Variants in HSD17B3 observed in about 807,000 individuals in gnomAD.
HSD17B3 encodes 17-beta-hydroxysteroid dehydrogenase type 3.
Under a neutral mutation model 41.1 loss-of-function variants are expected in HSD17B3, and 29 were observed. The observed-to-expected ratio is 0.71, with a 90% CI of 0.53 to 0.96. The LOEUF (loss-of-function observed/expected upper bound fraction) is 0.96, where lower values mean the gene tolerates loss of function less well. Among genes scored for constraint, HSD17B3 ranks in the 40% least tolerant of loss-of-function variants. HSD17B3 has a pLI of 0.00. For missense variants in HSD17B3, 323 were observed against 374.6 expected, an observed-to-expected ratio of 0.86 and a Z score of 1.14; for synonymous variants, 126 against 145.6, an observed-to-expected ratio of 0.87 and a Z score of 0.97.
At chr9:96,274,553 T>A (rs778817809) in intron 2 of HSD17B3, among the ~76,000 whole-genome samples, 5 of 151,906 alleles carry the variant, frequency 3.3e-5, no homozygotes, top group Non-Finnish European at 7.4e-5. Context: ...AGGTAGAAAT[T>A]ATAAAAACAA....
At chr9:96,250,464 C>T (rs779615324) in intron 5 of HSD17B3, 31 of 1,062,648 alleles carry the variant, frequency 2.9e-5, no homozygotes, top group African/African-American at 1.3e-4. Context: ...AGACTCGGGG[C>T]TTACACAGGA....
At position 96,245,424 on chromosome 9, in the gene HSD17B3, T is replaced by G. The variant is rs767259718; in HGVS notation, c.527A>C (p.Gln176Pro). 4 of 1,613,306 alleles carry G rather than the reference T, an allele frequency of 2.5e-6. No individual in the cohort carries two copies. The highest frequency in any genetic ancestry group is 2.5e-6 in the Non-Finnish European group (3 of 1,179,218). Residue 176 changes from glutamine (Q) to proline (P), a missense_variant and splice_region_variant, in exon 8 of 11, where the codon CAG becomes CCG. Gln to Pro is a moderately conservative substitution (Grantham distance 76). Coordinates refer to ENST00000375263, the MANE Select transcript of HSD17B3 (RefSeq NM_000197.2). ...AGAAATGTTCAGGATGAGACCTTTC[T>G]GCCTGAAAGGCAAAGAAGCAAAGTT... ...QLILKHMESRQKGLILNISSG... is the reference protein window; with the variant it reads ...QLILKHMESRPKGLILNISSG...
At chr9:96,296,255 AAAG>A (rs150550887) in intron 2 of HSD17B3, among the ~76,000 whole-genome samples, 59,450 of 151,610 alleles carry the variant, frequency 0.39, 12,094 homozygotes, top group African/African-American at 0.49. Flanking sequence ...CCAAAAAGTA[AAAG>A]AAGAAGAAAC....
intron 2 of HSD17B3, among the ~76,000 whole-genome samples, chr9:96,272,403 CTCTATATATATATATA>C (rs1480079165): frequency 1.1e-4 from 3 of 28,146 alleles, no homozygotes; most frequent in African/African-American, 3.9e-4. Context: ...CTCTCTCTCT[CTCTATATATATATATA>C]TATATATATA....
At chr9:96,257,172 A>G (rs774294685) in intron 2 of HSD17B3, among the ~76,000 whole-genome samples, 17 of 152,178 alleles carry the variant, frequency 1.1e-4, no homozygotes, top group Non-Finnish European at 2.1e-4. Flanking sequence ...TCTTTTCTTT[A>G]TAAATTACCC....
At chr9:96,283,529 TATAAA>T in intron 2 of HSD17B3, among the ~76,000 whole-genome samples, 1 of 152,296 alleles carries the variant, frequency 6.6e-6, no homozygotes, top group African/African-American at 2.4e-5. Context: ...CACTGTCAAA[TATAAA>T]ATAGTGTGTG....
intron 2 of HSD17B3, among the ~76,000 whole-genome samples, chr9:96,262,876 A>G (rs1459802277): frequency 6.6e-6 from 1 of 152,126 alleles, no homozygotes; most frequent in Non-Finnish European, 1.5e-5. Context: ...TGGATTTTGA[A>G]GCCCCATCTG....
chr9:96,241,086 G>A (rs1836423517), intron 9 of HSD17B3, among the ~76,000 whole-genome samples, 179 bp from the exon 10 acceptor site: 1 of 152,096 alleles, frequency 6.6e-6, no homozygotes, highest in Non-Finnish European at 1.5e-5. Context: ...CAGAAATTTG[G>A]TTTCTCAAGA....
chr9:96,262,947 T>C (rs77114762), intron 2 of HSD17B3, among the ~76,000 whole-genome samples: 3,487 of 152,338 alleles, frequency 0.023, 188 homozygotes, highest in Admixed American at 0.13. Context: ...AGATTTGTTA[T>C]ACTAACTTCT....
At position 96,298,403 on chromosome 9, in the gene HSD17B3, G is replaced by A; in HGVS notation, c.201+13C>T. 2 of 1,609,860 alleles carry A rather than the reference G, an allele frequency of 1.2e-6. No homozygotes were observed. Among genetic ancestry groups the A allele is most frequent in the Non-Finnish European group, 1.7e-6 (2 of 1,176,088 alleles). On this transcript the variant is annotated intron_variant, in intron 2 of 10. Transcript: ENST00000375263. ...ATACAAGGGAGGAGAAAGTCCCCAG[G>A]AAGATAGCTTACCTCGAACGAGTAC...
intron 10 of HSD17B3, among the ~76,000 whole-genome samples, chr9:96,236,181 C>T (rs1587705346): frequency 6.6e-6 from 1 of 151,722 alleles, no homozygotes; most frequent in Admixed American, 6.6e-5. Context: ...GTGAGTATGT[C>T]CCCACTTGTC....
Position 96,262,442 on chromosome 9 carries a change from C to T in HSD17B3, c.202-7499G>A, listed in dbSNP as rs1825897283. 2.6e-5 allele frequency among the ~76,000 whole-genome samples: 4 copies of T among 151,620 alleles called. No homozygotes were observed. The South Asian group carries it at 8.4e-4, about 32-fold the overall frequency. On this transcript the variant is annotated intron_variant, in intron 2 of 10. Transcript: ENST00000375263. ...TATTTTCAGTAGACACGGGGTTTCA[C>T]GGGGTTTTGGCCAGGCTGGTCTTGA...
At chr9:96,296,110 G>A (rs114490743) in intron 2 of HSD17B3, among the ~76,000 whole-genome samples, 229 of 152,168 alleles carry the variant, frequency 1.5e-3, no homozygotes, top group African/African-American at 5.3e-3. Context: ...TTAGCCAGGC[G>A]TGATGGCACA....
At chr9:96,235,893 C>A (rs1188696809) in intron 10 of HSD17B3, among the ~76,000 whole-genome samples, 3 of 152,020 alleles carry the variant, frequency 2.0e-5, no homozygotes, top group Admixed American at 1.3e-4. Context: ...GCAGCCTCAA[C>A]CTCCTGGGCT....
rs759818390 is a variant in HSD17B3, at chr9:96,240,899, G to A, written c.681C>T (p.Thr227=). ...TCATTGCAGTCGAGACAGCATATGG[G>A]GTCAGCACCTACAACGGGAAACAAA... ...KAKEVIIQVL[T]PYAVSTAMTK... is the part of the protein sequence containing the mutation. Residue 227 remains threonine, a synonymous_variant, in exon 10 of 11, where the codon ACC becomes ACT. Coordinates refer to ENST00000375263, the MANE Select transcript of HSD17B3 (RefSeq NM_000197.2). 2.5e-6 allele frequency: 4 copies of A among 1,614,090 alleles called. No individual in the cohort carries two copies. The East Asian group carries it at 6.7e-5, about 27-fold the overall frequency.
intron 6 of HSD17B3, chr9:96,247,228 C>T (rs1214969202): frequency 1.3e-5 from 2 of 155,126 alleles, no homozygotes; most frequent in African/African-American, 2.4e-5. Context: ...ACAAGGTACA[C>T]ATTTTACAAA....
Position 96,289,944 on chromosome 9 carries a change from A to T in HSD17B3, c.201+8472T>A, listed in dbSNP as rs1042123656. Among the ~76,000 whole-genome samples the T allele has an allele frequency of 4.6e-5, 7 of 152,108 alleles. No individual in the cohort carries two copies. In the South Asian group the frequency reaches 6.2e-4, roughly 14 times the overall value. On this transcript the variant is annotated intron_variant, in intron 2 of 10. Coordinates refer to ENST00000375263, the MANE Select transcript of HSD17B3 (RefSeq NM_000197.2). ...ATGGGCCTTGTTTTCCTTCTCCTGT[A>T]TGTTGGGGCCTGGGTCAAGGAAGGT...
At chr9:96,237,204 A>C (rs187705893) in intron 10 of HSD17B3, among the ~76,000 whole-genome samples, 1 of 152,372 alleles carries the variant, frequency 6.6e-6, no homozygotes, top group African/African-American at 2.4e-5. Context: ...AAAGAAAATA[A>C]GCAAAATAAA....
intron 2 of HSD17B3, among the ~76,000 whole-genome samples, chr9:96,294,647 C>A (rs929436916): frequency 3.9e-5 from 6 of 152,200 alleles, no homozygotes; most frequent in Admixed American, 6.5e-5. Flanking sequence ...GGTGAAGAAC[C>A]TTTTGGTTGA....
Sources: gnomAD v4.1 joint callset for allele counts (sites outside exome capture counted in the v4.1 genomes callset) on GRCh38, gnomAD v4.1.1 for gene constraint, MANE v1.5 for transcripts, NCBI Gene and HGNC (gene_info 2026-07-23, HGNC 2026-07-21) for gene names.